Variants in FAAH2 observed in about 807,000 individuals in gnomAD.
FAAH2 encodes fatty-acid amide hydrolase 2.
A neutral mutation model predicts 36.9 loss-of-function variants in FAAH2; 60 were observed. The ratio of observed to expected loss-of-function variants is 1.63; its 90% CI spans 1.32 to 2.02. FAAH2 has a LOEUF of 2.02. Among genes scored for constraint, FAAH2 ranks in the 30% most tolerant of loss-of-function variants. FAAH2 has a pLI of 0.00. For missense variants in FAAH2, 689 were observed against 397.5 expected (o/e 1.73, Z -6.23); for synonymous variants, 214 against 143.8 (o/e 1.49, Z -3.49).
At chrX:57,278,188 G>A in the FAAH2 span, among the ~76,000 whole-genome samples, 3 of 111,689 alleles carry the variant, frequency 2.7e-5, no homozygotes, top group East Asian at 2.8e-4. Flanking sequence ...CAAGGCTAGA[G>A]CATCCAAAAC....
At chrX:57,319,333 C>T (rs774953337) in intron 3 of FAAH2, among the ~76,000 whole-genome samples, 1 of 112,013 alleles carries the variant, frequency 8.9e-6, no homozygotes, top group South Asian at 3.7e-4. Flanking sequence ...TCTCAGGATA[C>T]AAAATCAATG....
chrX:57,128,729 C>G, the FAAH2 span, among the ~76,000 whole-genome samples: 1 of 112,163 alleles, frequency 8.9e-6, no homozygotes, highest in East Asian at 2.8e-4. Context: ...CAATAATTCA[C>G]TTACTAAACA....
chrX:57,307,185 A>T (rs111933911), intron 2 of FAAH2, among the ~76,000 whole-genome samples: 1 of 104,172 alleles, frequency 9.6e-6, no homozygotes, highest in Non-Finnish European at 2.0e-5. Flanking sequence ...TCATCTTTCT[A>T]TTCTCTCTGT....
At chrX:57,405,827 A>G (rs922417835) in intron 7 of FAAH2, among the ~76,000 whole-genome samples, 2 of 102,917 alleles carry the variant, frequency 1.9e-5, no homozygotes, top group African/African-American at 7.2e-5. Context: ...TGGTTTTTCA[A>G]TATATTTATC....
chrX:57,246,405 T>C, the FAAH2 span, among the ~76,000 whole-genome samples: 1 of 111,733 alleles, frequency 8.9e-6, no homozygotes, highest in South Asian at 3.7e-4. Context: ...TACCAAAACC[T>C]GGCAGAAACA....
intron 5 of FAAH2, among the ~76,000 whole-genome samples, chrX:57,374,722 G>A (rs756597629): frequency 6.3e-5 from 7 of 111,209 alleles, no homozygotes; most frequent in African/African-American, 9.8e-5. Context: ...TCTGATTGCC[G>A]TTGCTAGGAC....
intron 2 of FAAH2, among the ~76,000 whole-genome samples, chrX:57,310,251 T>C (rs2052654507): frequency 8.9e-6 from 1 of 112,267 alleles, no homozygotes; most frequent in Non-Finnish European, 1.9e-5. Flanking sequence ...GTTTATGGCC[T>C]TTACGCAACA....
At chrX:57,227,220 G>A in the FAAH2 span, among the ~76,000 whole-genome samples, 1 of 110,734 alleles carries the variant, frequency 9.0e-6, no homozygotes, top group African/African-American at 3.3e-5. Context: ...GTGTTGAGGA[G>A]CCTTGTTTTG....
chrX:57,235,257 G>A, the FAAH2 span, among the ~76,000 whole-genome samples: 2 of 111,350 alleles, frequency 1.8e-5, no homozygotes, highest in Admixed American at 1.9e-4. Flanking sequence ...TTTGGGGCCA[G>A]TGTTTGTTCA....
At chrX:57,198,136 A>G in the FAAH2 span, among the ~76,000 whole-genome samples, 2 of 111,063 alleles carry the variant, frequency 1.8e-5, no homozygotes, top group Non-Finnish European at 3.8e-5. Flanking sequence ...AGAGCTCCCA[A>G]GAGGTTATGA....
the FAAH2 span, among the ~76,000 whole-genome samples, chrX:57,180,321 A>G: frequency 8.9e-6 from 1 of 111,847 alleles, no homozygotes; most frequent in African/African-American, 3.2e-5. Context: ...GAACGAACCA[A>G]TGAGCCATTT....
chrX:57,341,770 C>T (rs1056835362), intron 5 of FAAH2, among the ~76,000 whole-genome samples: 12 of 111,130 alleles, frequency 1.1e-4, no homozygotes, highest in African/African-American at 3.9e-4. Flanking sequence ...TGTTTTCTAT[C>T]CACTGTACTA....
At chrX:57,247,851 C>T in the FAAH2 span, among the ~76,000 whole-genome samples, 1 of 112,109 alleles carries the variant, frequency 8.9e-6, no homozygotes, top group Non-Finnish European at 1.9e-5. Context: ...ACGTGTTTTC[C>T]CTATTACTGA....
rs754475679 is a variant in FAAH2 at position 57,408,092 on chromosome X, C to CATTATT, written c.997-23810_997-23805dup. 5.0e-3 allele frequency among the ~76,000 whole-genome samples: 546 copies of CATTATT among 110,248 alleles called. 4 individuals are homozygous for CATTATT. The highest frequency in any genetic ancestry group is 0.017 in the African/African-American group (507 of 30,495). On this transcript the variant is annotated intron_variant, in intron 7 of 10. Coordinates refer to ENST00000374900, the MANE Select transcript of FAAH2 (RefSeq NM_174912.4). ...TAAGTTAGGAAGTGTGATGCTTCCA[C>CATTATT]ATTATTATTATTATTATTATTTTGA...
At chrX:57,159,375 A>G in the FAAH2 span, among the ~76,000 whole-genome samples, 1 of 111,865 alleles carries the variant, frequency 8.9e-6, no homozygotes, top group African/African-American at 3.3e-5. Context: ...AATTCTATGA[A>G]GAAAGTCATT....
intron 7 of FAAH2, among the ~76,000 whole-genome samples, chrX:57,427,841 AAC>A (rs1160855094): frequency 1.5e-5 from 1 of 65,021 alleles, no homozygotes; most frequent in African/African-American, 3.4e-5. Flanking sequence ...TAAAAACTGA[AAC>A]AAGACAAAAA....
intron 1 of FAAH2, among the ~76,000 whole-genome samples, chrX:57,289,286 C>G (rs2051909203): frequency 9.0e-6 from 1 of 110,653 alleles, no homozygotes; most frequent in Non-Finnish European, 1.9e-5. Flanking sequence ...CAGTCAGTTT[C>G]CTGTGAGTCA....
the FAAH2 span, among the ~76,000 whole-genome samples, chrX:57,157,875 T>A: frequency 2.7e-5 from 3 of 110,658 alleles, no homozygotes; most frequent in East Asian, 5.7e-4. Flanking sequence ...ATACTTTAAG[T>A]TTTAGGGTAC....
In FAAH2 at chrX:57,378,843, T is replaced by G. The variant is rs2054758952; in HGVS notation, c.878+57T>G. ...CTTATCCTGACATTCATTCTCTCTT[T>G]GTTTATTAGTGTCATAGAGGTAGAC... On this transcript the variant is annotated intron_variant, in intron 6 of 10. Transcript: ENST00000374900. 3 of 1,130,710 alleles carry G rather than the reference T, an allele frequency of 2.7e-6. No individual in the cohort carries two copies. The African/African-American group carries it at 5.4e-5, about 21-fold the overall frequency. 93.2% of individuals were successfully genotyped at this position (1,130,710 alleles called of 1,213,427 possible). A position where few individuals can be genotyped will look rare whatever the true frequency, so the allele number is the denominator to read the frequency against.
Sources: allele counts gnomAD v4.1 joint callset (sites outside exome capture counted in the v4.1 genomes callset), GRCh38; gene constraint gnomAD v4.1.1; transcripts MANE v1.5; gene names NCBI Gene and HGNC (gene_info 2026-07-23, HGNC 2026-07-21).